The following DSCAML1 variants were observed in gnomAD, a reference collection of about 807,000 sequenced individuals.
DSCAML1 encodes cell adhesion molecule DSCAML1.
DSCAML1 carries 38 observed loss-of-function variants against 200.5 expected under a neutral mutation model. That is an observed-to-expected ratio of 0.19 (90% CI 0.15 to 0.25). DSCAML1 has a LOEUF of 0.25. DSCAML1 is among the 10% of genes least tolerant of loss of function. The pLI is 1.00. For synonymous variants in DSCAML1, 1,215 were observed against 1,165.0 expected, an observed-to-expected ratio of 1.04 and a Z score of -0.87; for missense variants, 2,223 against 2,858.8, an observed-to-expected ratio of 0.78 and a Z score of 5.07.
intron 3 of DSCAML1, among the ~76,000 whole-genome samples, chr11:117,630,973 A>T (rs999662092): frequency 6.6e-6 from 1 of 152,216 alleles, no homozygotes; most frequent in Non-Finnish European, 1.5e-5. Context: ...GACAAAATGA[A>T]TTGGACACAT....
chr11:117,684,553 A>G (rs1169237190), intron 3 of DSCAML1, among the ~76,000 whole-genome samples: 1 of 145,442 alleles, frequency 6.9e-6, no homozygotes, highest in African/African-American at 2.7e-5. Context: ...GTTAGCAAAG[A>G]GCAGAGAGAG....
chr11:117,582,453 C>A (rs999875344), intron 3 of DSCAML1, among the ~76,000 whole-genome samples: 2 of 152,240 alleles, frequency 1.3e-5, no homozygotes, highest in Admixed American at 1.3e-4. Flanking sequence ...TGGTCCTCTT[C>A]TTCCGCTCAC....
At chr11:117,650,706 T>TGTGCACGC (rs2052615569) in intron 3 of DSCAML1, among the ~76,000 whole-genome samples, 1 of 145,008 alleles carries the variant, frequency 6.9e-6, no homozygotes, top group Non-Finnish European at 1.5e-5. Flanking sequence ...TGTGTGCGTG[T>TGTGCACGC]GTGTGTGTGG....
intron 3 of DSCAML1, among the ~76,000 whole-genome samples, chr11:117,732,968 C>T (rs1438774632): frequency 2.6e-5 from 4 of 151,950 alleles, no homozygotes; most frequent in Admixed American, 2.0e-4. Context: ...TAATTGTTTC[C>T]AGAGCCTCCA....
At chr11:117,654,181 G>C (rs1182394788) in intron 3 of DSCAML1, among the ~76,000 whole-genome samples, 1 of 152,208 alleles carries the variant, frequency 6.6e-6, no homozygotes, top group East Asian at 1.9e-4. Context: ...GGTTGCTTAG[G>C]GACAGAGGTG....
intron 1 of DSCAML1, among the ~76,000 whole-genome samples, chr11:117,793,849 C>T (rs1248353344): frequency 6.6e-6 from 1 of 152,158 alleles, no homozygotes; most frequent in Non-Finnish European, 1.5e-5. Flanking sequence ...GGCTTTGATG[C>T]CCAGAAAAAC....
chr11:117,711,694 T>C (rs189987827), intron 3 of DSCAML1, among the ~76,000 whole-genome samples: 1 of 152,322 alleles, frequency 6.6e-6, no homozygotes, highest in Admixed American at 6.5e-5. Flanking sequence ...CGGTCCTTTT[T>C]TTTCCTCCAA....
intron 19 of DSCAML1, among the ~76,000 whole-genome samples, chr11:117,455,495 A>C (rs1298437669): frequency 1.3e-5 from 2 of 152,212 alleles, no homozygotes; most frequent in East Asian, 3.8e-4. Context: ...TGGTATTCAC[A>C]GGGGGAGGTT....
chr11:117,640,516 A>G (rs1213253764), intron 3 of DSCAML1, among the ~76,000 whole-genome samples: 2 of 152,218 alleles, frequency 1.3e-5, no homozygotes, highest in Non-Finnish European at 2.9e-5. Flanking sequence ...TGGTCCAGTC[A>G]TCCACTATCC....
At chr11:117,678,893 T>C (rs1286353974) in intron 3 of DSCAML1, among the ~76,000 whole-genome samples, 1 of 152,212 alleles carries the variant, frequency 6.6e-6, no homozygotes, top group East Asian at 1.9e-4. Flanking sequence ...TGAATAGGAT[T>C]GTAAAGAGTT....
chr11:117,494,278 G>A (rs1351143836), intron 11 of DSCAML1, among the ~76,000 whole-genome samples: 1 of 152,174 alleles, frequency 6.6e-6, no homozygotes, highest in Non-Finnish European at 1.5e-5. Flanking sequence ...TCCGTTGCAA[G>A]GACTCCACTC....
chr11:117,598,487 G>A (rs2051403976), intron 3 of DSCAML1, among the ~76,000 whole-genome samples: 1 of 152,152 alleles, frequency 6.6e-6, no homozygotes, highest in African/African-American at 2.4e-5. Flanking sequence ...GGGTGACTTA[G>A]GAGATTGCAG....
intron 3 of DSCAML1, among the ~76,000 whole-genome samples, chr11:117,696,765 C>G (rs2053593519): frequency 6.6e-6 from 1 of 152,176 alleles, no homozygotes; most frequent in East Asian, 1.9e-4. Context: ...CACATGGGGG[C>G]TGGAAATGCT....
chr11:117,756,227 G>A (rs1189032999), intron 3 of DSCAML1, among the ~76,000 whole-genome samples: 1 of 152,226 alleles, frequency 6.6e-6, no homozygotes, highest in Non-Finnish European at 1.5e-5. Context: ...AACATGGCAG[G>A]TGCCCAGTGG....
At chr11:117,521,474 A>G in intron 5 of DSCAML1, 69 bp from the exon 6 acceptor site, 3 of 1,518,358 alleles carry the variant, frequency 2.0e-6, no homozygotes, top group Non-Finnish European at 2.7e-6. Context: ...GCTTACTGTG[A>G]GTGGAGTGTA....
At chr11:117,634,596 G>A (rs751759569) in intron 3 of DSCAML1, among the ~76,000 whole-genome samples, 4 of 152,188 alleles carry the variant, frequency 2.6e-5, no homozygotes, top group Non-Finnish European at 5.9e-5. Flanking sequence ...CCTGGAATTT[G>A]CATTAGTGAT....
At chr11:117,457,235 G>A (rs778755124) in intron 19 of DSCAML1, among the ~76,000 whole-genome samples, 2 of 152,188 alleles carry the variant, frequency 1.3e-5, no homozygotes, top group African/African-American at 2.4e-5. Context: ...CTTTGGGCCC[G>A]GGCTCCTGCT....
At chr11:117,532,287 C>T (rs1186102528) in intron 4 of DSCAML1, 89 bp downstream of exon 4, 3 of 1,359,154 alleles carry the variant, frequency 2.2e-6, no homozygotes, top group African/African-American at 2.9e-5. Context: ...GGGGCTCCTC[C>T]ATCTGCGGTG....
intron 3 of DSCAML1, among the ~76,000 whole-genome samples, chr11:117,541,966 C>T (rs2050277526): frequency 6.6e-6 from 1 of 152,168 alleles, no homozygotes; most frequent in Admixed American, 6.5e-5. Context: ...CAGGATGGAA[C>T]CACATTCAAG....
Sources: gnomAD v4.1 joint callset for allele counts (sites outside exome capture counted in the v4.1 genomes callset) on GRCh38, gnomAD v4.1.1 for gene constraint, MANE v1.5 for transcripts, NCBI Gene and HGNC (gene_info 2026-07-23, HGNC 2026-07-21) for gene names.